The following SNAP25 variants were observed in gnomAD, a reference collection of about 807,000 sequenced individuals.
The protein encoded by SNAP25 is synaptosome associated protein 25.
A neutral mutation model predicts 28.7 loss-of-function variants in SNAP25; 3 were observed. The ratio of observed to expected loss-of-function variants is 0.10; its 90% CI spans 0.05 to 0.27. The LOEUF (loss-of-function observed/expected upper bound fraction) is 0.27, where lower values mean the gene tolerates loss of function less well. Among genes scored for constraint, SNAP25 ranks in the 10% least tolerant of loss-of-function variants. SNAP25 has a pLI of 1.00. For missense variants in SNAP25, 117 were observed against 278.7 expected, an observed-to-expected ratio of 0.42 and a Z score of 4.13; for synonymous variants, 61 against 88.1, an observed-to-expected ratio of 0.69 and a Z score of 1.72.
chr20:10,242,175 G>A (rs1016023252), intron 1 of SNAP25, among the ~76,000 whole-genome samples: 7 of 152,278 alleles, frequency 4.6e-5, no homozygotes, highest in African/African-American at 1.7e-4. Context: ...AGTGAGGAAG[G>A]ATTCTCAAGT....
intron 7 of SNAP25, among the ~76,000 whole-genome samples, chr20:10,304,164 G>A (rs2064302012): frequency 6.6e-6 from 1 of 152,146 alleles, no homozygotes; most frequent in Admixed American, 6.6e-5. Context: ...TTCAGACTCT[G>A]GTTTCTCCAT....
intron 1 of SNAP25, among the ~76,000 whole-genome samples, chr20:10,254,177 A>G (rs1183608244): frequency 6.6e-6 from 1 of 152,234 alleles, no homozygotes; most frequent in African/African-American, 2.4e-5. Flanking sequence ...GATTTTACTC[A>G]TACAGAAAGT....
At chr20:10,284,217 T>C (rs1345041553) in intron 3 of SNAP25, among the ~76,000 whole-genome samples, 1 of 152,156 alleles carries the variant, frequency 6.6e-6, no homozygotes, top group Non-Finnish European at 1.5e-5. Context: ...CCATGCTCTC[T>C]TCTGATGAAC....
intron 7 of SNAP25, among the ~76,000 whole-genome samples, chr20:10,299,673 A>T (rs1477567839): frequency 6.6e-6 from 1 of 152,244 alleles, no homozygotes; most frequent in Non-Finnish European, 1.5e-5. Context: ...ACTGTGGGCC[A>T]TGTACACATG....
intron 7 of SNAP25, among the ~76,000 whole-genome samples, chr20:10,303,040 T>A (rs956753205): frequency 2.7e-5 from 4 of 147,764 alleles, no homozygotes; most frequent in African/African-American, 1.1e-4. Context: ...TCCTAGAATG[T>A]TTGCGCTCAG....
At position 10,299,342 on chromosome 20, in the gene SNAP25, G is replaced by A. The variant is rs765666793; in HGVS notation, c.482G>A (p.Arg161His). The change falls in exon 7 of 8, where the codon CGT becomes CAT. Residue 161 changes from arginine to histidine, a missense_variant. Around this residue, in one of 3 missense-constraint regions of SNAP25, gnomAD observed 88 missense variants for 206.9 expected, o/e 0.43. Transcript: ENST00000254976. Reference sequence around the variant, plus strand: ...GTGAGCGGCATCATCGGGAACCTCCGTCACATGGCCCTGGATATGGGCAAT... The same window carrying A: ...GTGAGCGGCATCATCGGGAACCTCCATCACATGGCCCTGGATATGGGCAAT... ...EQVSGIIGNL[R>H]HMALDMGNEI... 5.6e-6 allele frequency: 9 copies of A among 1,613,926 alleles called. No homozygotes were observed. Among genetic ancestry groups the A allele is most frequent in the African/African-American group, 1.3e-5 (1 of 74,896 alleles).
chr20:10,220,161 T>C (rs887056641), intron 1 of SNAP25, among the ~76,000 whole-genome samples: 2 of 152,146 alleles, frequency 1.3e-5, no homozygotes, highest in African/African-American at 2.4e-5. Flanking sequence ...ATGTTTCCAT[T>C]TGATAAAAAT....
intron 1 of SNAP25, among the ~76,000 whole-genome samples, chr20:10,221,740 T>C (rs1489098716): frequency 6.6e-6 from 1 of 152,264 alleles, no homozygotes; most frequent in African/African-American, 2.4e-5. Flanking sequence ...TGTCTAAAGA[T>C]ATTCCCAAGC....
At chr20:10,289,298 A>G (rs2063948140) in intron 4 of SNAP25, among the ~76,000 whole-genome samples, 1 of 152,172 alleles carries the variant, frequency 6.6e-6, no homozygotes, top group Admixed American at 6.5e-5. Context: ...TGACCCTGGC[A>G]CTAATGTGGG....
At chr20:10,306,105 C>T (rs763414208) in intron 7 of SNAP25, 24 bp from the exon 8 acceptor site, 1 of 1,612,012 alleles carries the variant, frequency 6.2e-7, no homozygotes, top group Non-Finnish European at 8.5e-7. Flanking sequence ...AACCTGAGTT[C>T]TGTTTCTTTT....
At chr20:10,226,840 A>T (rs1423288644) in intron 1 of SNAP25, among the ~76,000 whole-genome samples, 1 of 152,104 alleles carries the variant, frequency 6.6e-6, no homozygotes, top group African/African-American at 2.4e-5. Context: ...TGTCACTAAA[A>T]TGTCCCTTAA....
intron 1 of SNAP25, among the ~76,000 whole-genome samples, chr20:10,253,104 A>G (rs1464462388): frequency 1.3e-5 from 2 of 152,228 alleles, no homozygotes; most frequent in African/African-American, 4.8e-5. Context: ...ATGAGAGACG[A>G]TGAGACAAAA....
At chr20:10,259,371 C>T (rs2063372815) in intron 1 of SNAP25, among the ~76,000 whole-genome samples, 1 of 152,096 alleles carries the variant, frequency 6.6e-6, no homozygotes, top group Non-Finnish European at 1.5e-5. Context: ...TCCTGTAATA[C>T]TGAGGAGCAG....
At chr20:10,271,733 C>CGAGA (rs142870582) in intron 1 of SNAP25, among the ~76,000 whole-genome samples, 1 of 149,204 alleles carries the variant, frequency 6.7e-6, no homozygotes, top group South Asian at 2.1e-4. Flanking sequence ...AGAGGGAGAG[C>CGAGA]GAGAGAGAGA....
intron 7 of SNAP25, among the ~76,000 whole-genome samples, chr20:10,302,487 GT>G (rs2064263515): frequency 1.3e-5 from 2 of 152,178 alleles, no homozygotes; most frequent in African/African-American, 2.4e-5. Context: ...TATGAACTGG[GT>G]TCTAAAAGTC....
chr20:10,253,343 T>C (rs2063263349), intron 1 of SNAP25, among the ~76,000 whole-genome samples: 1 of 152,212 alleles, frequency 6.6e-6, no homozygotes, highest in South Asian at 2.1e-4. Flanking sequence ...GGGCTCTCTG[T>C]CCACGGTATT....
intron 1 of SNAP25, among the ~76,000 whole-genome samples, chr20:10,244,363 A>T (rs528238899): frequency 6.6e-6 from 1 of 152,226 alleles, no homozygotes; most frequent in African/African-American, 2.4e-5. Context: ...TTATAAAGAA[A>T]CACTTAGCAC....
intron 1 of SNAP25, among the ~76,000 whole-genome samples, chr20:10,269,732 G>A (rs2063560021): frequency 6.6e-6 from 1 of 152,216 alleles, no homozygotes; most frequent in Admixed American, 6.5e-5. Flanking sequence ...ACAAATGGAT[G>A]TGTGTGTGCT....
intron 7 of SNAP25, among the ~76,000 whole-genome samples, chr20:10,300,429 T>C (rs1438293040): frequency 6.6e-6 from 1 of 152,216 alleles, no homozygotes; most frequent in Non-Finnish European, 1.5e-5. Context: ...TAATTGTACA[T>C]CTATAATCTA....
Sources: gnomAD v4.1 joint callset for allele counts (sites outside exome capture counted in the v4.1 genomes callset) on GRCh38, gnomAD v4.1.1 for gene constraint, gnomAD v4.1.1 regional missense constraint, MANE v1.5 for transcripts, NCBI Gene and HGNC (gene_info 2026-07-23, HGNC 2026-07-21) for gene names.